PRKN: variants seen among roughly 807,000 people sequenced by gnomAD.
PRKN encodes the protein E3 ubiquitin-protein ligase parkin.
In PRKN, 56 loss-of-function variants were observed where a neutral mutation model predicts 59.5. The ratio of observed to expected loss-of-function variants is 0.94; its 90% CI spans 0.76 to 1.18. PRKN has a LOEUF of 1.18. Among genes scored for constraint, PRKN ranks in the 50% most tolerant of loss-of-function variants. The pLI is 0.00. For missense variants in PRKN, 657 were observed against 596.4 expected, an observed-to-expected ratio of 1.10 and a Z score of -1.06; for synonymous variants, 250 against 222.1, an observed-to-expected ratio of 1.13 and a Z score of -1.12.
intron 6 of PRKN, among the ~76,000 whole-genome samples, chr6:161,960,397 A>G (rs1347248731): frequency 6.6e-6 from 1 of 152,220 alleles, no homozygotes; most frequent in Admixed American, 6.5e-5. Flanking sequence ...AGCAGTGAGT[A>G]AAGAATGAAA....
intron 2 of PRKN, among the ~76,000 whole-genome samples, chr6:162,368,758 C>T (rs1396916534): frequency 6.6e-6 from 1 of 152,184 alleles, no homozygotes; most frequent in African/African-American, 2.4e-5. Flanking sequence ...GCTCTCAACT[C>T]TTCAACGTCC....
intron 5 of PRKN, among the ~76,000 whole-genome samples, chr6:162,011,145 TA>T (rs369168686): frequency 0.051 from 313 of 6,180 alleles, 118 homozygotes; most frequent in African/African-American, 0.19. Context: ...TTATAATATA[TA>T]TTATAATATA....
intron 5 of PRKN, among the ~76,000 whole-genome samples, chr6:162,030,188 A>T (rs1053514414): frequency 6.6e-6 from 1 of 152,088 alleles, no homozygotes. Context: ...CAAATTTCCC[A>T]GACAGCTGGC....
intron 7 of PRKN, among the ~76,000 whole-genome samples, chr6:161,632,380 T>C (rs2128155166): frequency 6.6e-6 from 1 of 152,338 alleles, no homozygotes; most frequent in East Asian, 1.9e-4. Flanking sequence ...ATAAAATATC[T>C]GTAACTATAG....
At chr6:162,188,779 T>TG (rs1491459679) in intron 4 of PRKN, among the ~76,000 whole-genome samples, 1 of 31,520 alleles carries the variant, frequency 3.2e-5, no homozygotes, top group Admixed American at 4.8e-4. Context: ...TTAGATTTCG[T>TG]TTTTTTTTTT....
intron 6 of PRKN, among the ~76,000 whole-genome samples, chr6:161,830,100 G>C (rs1271483496): frequency 6.6e-6 from 1 of 152,120 alleles, no homozygotes; most frequent in East Asian, 1.9e-4. Flanking sequence ...CTTGTAGGGC[G>C]AGGTCAGTAA....
At chr6:162,531,834 T>A (rs987604965) in intron 1 of PRKN, among the ~76,000 whole-genome samples, 2 of 150,782 alleles carry the variant, frequency 1.3e-5, no homozygotes, top group Non-Finnish European at 2.9e-5. Context: ...GTCTAAGTCA[T>A]AATTTTGCAA....
chr6:162,338,391 T>C (rs1291193653), intron 2 of PRKN, among the ~76,000 whole-genome samples: 1 of 150,256 alleles, frequency 6.7e-6, no homozygotes, highest in Non-Finnish European at 1.5e-5. Flanking sequence ...GCCTGCCGAG[T>C]GCCTGCTACT....
intron 2 of PRKN, among the ~76,000 whole-genome samples, chr6:162,366,104 T>C (rs1785424051): frequency 6.6e-6 from 1 of 152,204 alleles, no homozygotes; most frequent in African/African-American, 2.4e-5. Flanking sequence ...ACCAATATTA[T>C]GGCAACGGCC....
At position 161,581,600 on chromosome 6, in the gene PRKN, G is replaced by A. The variant is rs1016596841; in HGVS notation, c.872-12184C>T. On this transcript the variant is annotated intron_variant, in intron 7 of 11. Transcript: ENST00000366898. The surrounding 1 kb of genome is among the most constrained non-coding windows in gnomAD (Gnocchi z 4.5). Reference sequence around the variant, plus strand: ...GAAGCAAAGACTTACTTATGGACAAGGTGAAGGGCGTTGGGCCTATGTCAT... The same window carrying A: ...GAAGCAAAGACTTACTTATGGACAAAGTGAAGGGCGTTGGGCCTATGTCAT... 6.6e-6 allele frequency among the ~76,000 whole-genome samples: 1 copy of A among 152,176 alleles called. No homozygotes were observed. Among genetic ancestry groups the A allele is most frequent in the African/African-American group, 2.4e-5 (1 of 41,438 alleles).
intron 6 of PRKN, among the ~76,000 whole-genome samples, chr6:161,920,658 T>C (rs1036405339): frequency 2.3e-4 from 34 of 150,848 alleles, no homozygotes; most frequent in African/African-American, 6.8e-4. Context: ...GGTGTGGTGG[T>C]GTGTGCCTGT....
At chr6:162,232,388 C>T (rs1012502845) in intron 3 of PRKN, among the ~76,000 whole-genome samples, 2 of 152,028 alleles carry the variant, frequency 1.3e-5, no homozygotes, top group African/African-American at 4.8e-5. Context: ...AGGAGAAAGG[C>T]GACCTTTCCT....
intron 1 of PRKN, among the ~76,000 whole-genome samples, chr6:162,716,814 CTCA>C (rs764185213): frequency 6.0e-5 from 9 of 148,808 alleles, no homozygotes; most frequent in Non-Finnish European, 1.4e-4. Context: ...ACACAGACTC[CTCA>C]TGTGTAACAC....
At position 162,017,688 on chromosome 6, in the gene PRKN, T is replaced by C. The variant is rs1413620623; in HGVS notation, c.618+36403A>G. On this transcript the variant is annotated intron_variant, in intron 5 of 11. Coordinates refer to ENST00000366898, the MANE Select transcript of PRKN (RefSeq NM_004562.3). ...TTTTGTATCTAATTAATTCAGATAT[T>C]TTCTCCATTACAGTAAAAGATCCCC... 3.9e-5 allele frequency among the ~76,000 whole-genome samples: 6 copies of C among 152,318 alleles called. No homozygotes were observed. In the South Asian group the frequency reaches 1.2e-3, roughly 32 times the overall value.
At position 162,480,814 on chromosome 6, in the gene PRKN, CT is replaced by C. The variant is rs200875341; in HGVS notation, c.8-37342del. Among the ~76,000 whole-genome samples, 126 of 151,324 alleles carry C rather than the reference CT, an allele frequency of 8.3e-4. 1 individual carries two copies. In the South Asian group the frequency reaches 0.012, roughly 14 times the overall value. ...GAGACAGTGTATTTTAACTGATTCT[CT>C]TTTTTTTTAAGACAGAGTCTTGCTC... On this transcript the variant is annotated intron_variant, in intron 1 of 11. Transcript: ENST00000366898.
chr6:161,654,951 G>T (rs1447080577), intron 7 of PRKN, among the ~76,000 whole-genome samples: 4 of 152,222 alleles, frequency 2.6e-5, no homozygotes, highest in Non-Finnish European at 5.9e-5. Context: ...CAGCTCCAAA[G>T]GAACAAGGGT....
At chr6:161,509,895 AAAAAAAAAG>A (rs1292428118) in intron 9 of PRKN, among the ~76,000 whole-genome samples, 1 of 149,642 alleles carries the variant, frequency 6.7e-6, no homozygotes, top group Non-Finnish European at 1.5e-5. Context: ...AAAAAAAAAA[AAAAAAAAAG>A]TTAAGCCACA....
chr6:162,461,302 G>C (rs952833039), intron 1 of PRKN, among the ~76,000 whole-genome samples: 2 of 150,880 alleles, frequency 1.3e-5, no homozygotes, highest in African/African-American at 4.9e-5. Context: ...AGGAGTTGGA[G>C]ACCAGTCTGG....
chr6:162,196,646 T>G (rs753114508), intron 4 of PRKN, among the ~76,000 whole-genome samples: 34 of 152,288 alleles, frequency 2.2e-4, no homozygotes, highest in Non-Finnish European at 3.8e-4. Flanking sequence ...GAAGAAAATT[T>G]GAGTCCGGGT....
Sources: allele counts gnomAD v4.1 joint callset (sites outside exome capture counted in the v4.1 genomes callset), GRCh38; gene constraint gnomAD v4.1.1; non-coding constraint Gnocchi (gnomAD v3.1); transcripts MANE v1.5; gene names NCBI Gene and HGNC (gene_info 2026-07-23, HGNC 2026-07-21).